LRRIQ1: variants seen among roughly 807,000 people sequenced by gnomAD.
LRRIQ1 encodes the protein leucine rich repeats and IQ motif containing 1.
In LRRIQ1, 210 loss-of-function variants were observed where a neutral mutation model predicts 211.9. The ratio of observed to expected loss-of-function variants is 0.99; its 90% CI spans 0.89 to 1.11. The LOEUF (loss-of-function observed/expected upper bound fraction) is 1.11, where lower values mean the gene tolerates loss of function less well. Ranked by LOEUF, LRRIQ1 falls within the 50% of genes most tolerant of loss-of-function variation. The pLI, the probability that LRRIQ1 is intolerant of heterozygous loss-of-function variation, is 0.00. For synonymous variants in LRRIQ1, 699 were observed against 650.1 expected, an observed-to-expected ratio of 1.08 and a Z score of -1.14; for missense variants, 2,136 against 1,939.5, an observed-to-expected ratio of 1.10 and a Z score of -1.90.
intron 24 of LRRIQ1, among the ~76,000 whole-genome samples, chr12:85,168,182 G>A (rs951563809): frequency 6.6e-6 from 1 of 152,112 alleles, no homozygotes; most frequent in African/African-American, 2.4e-5. Context: ...TTATCTGGAG[G>A]AGTGAACCAA....
intron 11 of LRRIQ1, among the ~76,000 whole-genome samples, chr12:85,079,755 T>C (rs1029566724): frequency 2.6e-5 from 4 of 152,150 alleles, no homozygotes; most frequent in African/African-American, 4.8e-5. Context: ...ATTCTGTTCA[T>C]TCTGCCTGCT....
chr12:85,050,125 G>A (rs759303894), intron 6 of LRRIQ1, among the ~76,000 whole-genome samples: 3 of 152,068 alleles, frequency 2.0e-5, no homozygotes, highest in African/African-American at 7.2e-5. Flanking sequence ...CCAAGGGGAT[G>A]GTCAAAGACC....
At chr12:85,216,507 A>G (rs1238623597) in intron 24 of LRRIQ1, among the ~76,000 whole-genome samples, 1 of 150,314 alleles carries the variant, frequency 6.7e-6, no homozygotes, top group Non-Finnish European at 1.5e-5. Flanking sequence ...TATATAATGT[A>G]TATAATTCTT....
intron 24 of LRRIQ1, among the ~76,000 whole-genome samples, chr12:85,163,703 G>A (rs1891013978): frequency 6.6e-6 from 1 of 152,030 alleles, no homozygotes; most frequent in African/African-American, 2.4e-5. Context: ...ATATATCTCT[G>A]TTGGTCTATG....
chr12:85,043,564 G>T (rs184084944), intron 3 of LRRIQ1, among the ~76,000 whole-genome samples: 1 of 152,092 alleles, frequency 6.6e-6, no homozygotes, highest in East Asian at 1.9e-4. Flanking sequence ...GGTCACGCAG[G>T]GTCAGCTTAT....
At chr12:85,165,354 T>C (rs1408898228) in intron 24 of LRRIQ1, among the ~76,000 whole-genome samples, 2 of 152,034 alleles carry the variant, frequency 1.3e-5, no homozygotes, top group Non-Finnish European at 2.9e-5. Context: ...CATGTGTACC[T>C]GATGTTTAGC....
At chr12:85,250,948 T>TTATATATTATATATTATATTA in intron 1 of LRRIQ1, among the ~76,000 whole-genome samples, 1 of 110,526 alleles carries the variant, frequency 9.0e-6, no homozygotes, top group African/African-American at 3.7e-5. Context: ...ATAATATATT[T>TTATATATTATATATTATATTA]TATATATTAT....
At chr12:85,272,313 A>G in the LRRIQ1 span, among the ~76,000 whole-genome samples, 51 of 152,330 alleles carry the variant, frequency 3.3e-4, no homozygotes, top group African/African-American at 1.1e-3. Context: ...TTTCTACTCA[A>G]AACAGAGTAA....
intron 18 of LRRIQ1, among the ~76,000 whole-genome samples, chr12:85,129,083 C>A (rs1888578140): frequency 6.6e-6 from 1 of 152,088 alleles, no homozygotes; most frequent in African/African-American, 2.4e-5. Flanking sequence ...TCTTAGATAC[C>A]ACTGGCGGTA....
At chr12:85,172,860 G>C (rs1891484831) in intron 24 of LRRIQ1, among the ~76,000 whole-genome samples, 1 of 152,016 alleles carries the variant, frequency 6.6e-6, no homozygotes, top group South Asian at 2.1e-4. Flanking sequence ...TGTAATCCCA[G>C]CACTTTGTGA....
At chr12:85,156,058 C>T (rs143174564) in intron 23 of LRRIQ1, among the ~76,000 whole-genome samples, 2 of 151,708 alleles carry the variant, frequency 1.3e-5, no homozygotes, top group African/African-American at 4.8e-5. Context: ...TTTAACTTAA[C>T]ATTTTGGGTT....
At chr12:85,153,218 C>A in intron 21 of LRRIQ1, 73 bp downstream of exon 21, 2 of 1,323,288 alleles carry the variant, frequency 1.5e-6, no homozygotes, top group Admixed American at 2.5e-5. Context: ...AAAAGTAGTA[C>A]AATTATAAAA....
chr12:85,124,224 A>G lies in LRRIQ1; in HGVS notation c.3712A>G (p.Thr1238Ala), dbSNP rs566470999. 10 of 1,613,984 alleles carry G rather than the reference A, an allele frequency of 6.2e-6. No homozygotes were observed. Among genetic ancestry groups the G allele is most frequent in the Admixed American group, 1.7e-5 (1 of 59,992 alleles). ...SEAQKNHLAP[T>A]NSDSTLQNGV... is the part of the protein sequence containing the mutation. ...AGCCCAGAAAAATCATTTGGCCCCTACAAACAGTGACAGCACTCTGCAAAA... is the reference window on the plus strand; with the variant it reads ...AGCCCAGAAAAATCATTTGGCCCCTGCAAACAGTGACAGCACTCTGCAAAA... The change falls in exon 17 of 27, where the codon ACA becomes GCA. Residue 1238 changes from threonine to alanine, a missense_variant. Transcript: ENST00000393217.
intron 24 of LRRIQ1, among the ~76,000 whole-genome samples, chr12:85,225,025 A>G (rs1227071325): frequency 2.0e-5 from 3 of 152,142 alleles, no homozygotes; most frequent in Non-Finnish European, 4.4e-5. Flanking sequence ...TGAAGAAGAC[A>G]TATAATTACA....
rs1195330566 is a variant in LRRIQ1 at position 85,213,435 on chromosome 12, C to CTA, written c.4823-16079_4823-16078dup. 4.7e-4 allele frequency among the ~76,000 whole-genome samples: 71 copies of CTA among 152,026 alleles called. 1 individual carries two copies. ...ATCACGTCTATATAGCATGTGACATCTATACTCAAAAAATCAGTAAGGGAC... is the reference window on the plus strand; with the variant it reads ...ATCACGTCTATATAGCATGTGACATCTATATACTCAAAAAATCAGTAAGGGAC... On this transcript the variant is annotated intron_variant, in intron 24 of 26. Coordinates refer to ENST00000393217, the MANE Select transcript of LRRIQ1 (RefSeq NM_001079910.2).
chr12:85,076,522 A>G (rs891600622), intron 11 of LRRIQ1: 33 of 401,036 alleles, frequency 8.2e-5, no homozygotes, highest in Non-Finnish European at 1.1e-4. Context: ...TAAATAGTAG[A>G]GATACTAAGA....
intron 19 of LRRIQ1, among the ~76,000 whole-genome samples, chr12:85,146,851 C>T (rs1329229471): frequency 4.0e-5 from 6 of 151,662 alleles, no homozygotes; most frequent in Non-Finnish European, 7.4e-5. Flanking sequence ...GGCCTATACT[C>T]GCTGTTAGAG....
chr12:85,220,308 A>T (rs2137124163), intron 24 of LRRIQ1, among the ~76,000 whole-genome samples: 1 of 152,240 alleles, frequency 6.6e-6, no homozygotes, highest in East Asian at 1.9e-4. Context: ...AGTATTAAAA[A>T]TATAAATAGT....
Position 85,073,073 on chromosome 12 carries a change from C to G in LRRIQ1, c.2862C>G (p.Phe954Leu), listed in dbSNP as rs779999377. The change falls in exon 11 of 27, where the codon TTC becomes TTG. Residue 954 changes from phenylalanine to leucine, a missense_variant. By Grantham distance (22) the Phe-to-Leu change is conservative (BLOSUM62 0). Coordinates refer to ENST00000393217, the MANE Select transcript of LRRIQ1 (RefSeq NM_001079910.2). ...TTACAAAAAATTCAGATTGTAATTTCCTTATCTCCCACTTATACTGGAATT... is the reference window on the plus strand; with the variant it reads ...TTACAAAAAATTCAGATTGTAATTTGCTTATCTCCCACTTATACTGGAATT... ...TSLTKNSDCN[F>L]LISHLYWNCG... 4 of 1,605,620 alleles carry G rather than the reference C, an allele frequency of 2.5e-6. No individual in the cohort carries two copies. In the Admixed American group the frequency reaches 6.8e-5, roughly 27 times the overall value.
Sources: allele counts gnomAD v4.1 joint callset (sites outside exome capture counted in the v4.1 genomes callset), GRCh38; gene constraint gnomAD v4.1.1; transcripts MANE v1.5; gene names NCBI Gene and HGNC (gene_info 2026-07-23, HGNC 2026-07-21).